Variants in ARHGEF10L observed in about 807,000 individuals in gnomAD.
The protein encoded by ARHGEF10L is rho guanine nucleotide exchange factor 10-like protein.
Under a neutral mutation model 141.2 loss-of-function variants are expected in ARHGEF10L, and 69 were observed. The ratio of observed to expected loss-of-function variants is 0.49; its 90% CI spans 0.40 to 0.60. The LOEUF is 0.60. Among genes scored for constraint, ARHGEF10L ranks in the 20% least tolerant of loss-of-function variants. The pLI is 0.00. For synonymous variants in ARHGEF10L, 711 were observed against 718.5 expected (o/e 0.99, Z 0.17); for missense variants, 1,482 against 1,734.3 (o/e 0.85, Z 2.58).
Position 17,656,333 on chromosome 1 carries a change from C to T in ARHGEF10L, c.2706-221C>T, listed in dbSNP as rs930904615. 6.6e-6 allele frequency among the ~76,000 whole-genome samples: 1 copy of T among 152,216 alleles called. No homozygotes were observed. The highest frequency in any genetic ancestry group is 1.5e-5 in the Non-Finnish European group (1 of 68,038). ...CAGAATGGCTGGCTCTTTTGCCTCCCTGAGTCCTCTTCGTGACAGAGGTGT... is the reference window on the plus strand; with the variant it reads ...CAGAATGGCTGGCTCTTTTGCCTCCTTGAGTCCTCTTCGTGACAGAGGTGT... On this transcript the variant is annotated intron_variant, in intron 24 of 28. Coordinates refer to ENST00000361221, the MANE Select transcript of ARHGEF10L (RefSeq NM_018125.4). This position sits in a 1 kb window ranked among gnomAD's most constrained non-coding sequence, Gnocchi z 4.9.
rs1286701144 is a variant in ARHGEF10L at position 17,631,235 on chromosome 1, G to T, written c.1585-1086G>T. Among the ~76,000 whole-genome samples the T allele has an allele frequency of 2.0e-5, 3 of 152,178 alleles. No homozygotes were observed. The South Asian group carries it at 6.2e-4, about 32-fold the overall frequency. ...GGTTGTCGTCAGAGTCACGGGTTTT[G>T]GGAATGAATTTTGCTGAATATCCTC... On this transcript the variant is annotated intron_variant, in intron 15 of 28. Transcript: ENST00000361221.
Position 17,589,293 on chromosome 1 carries a change from G to GTAAC in ARHGEF10L, c.257+816_257+819dup, listed in dbSNP as rs1420299818. On this transcript the variant is annotated intron_variant, in intron 4 of 28. Coordinates refer to ENST00000361221, the MANE Select transcript of ARHGEF10L (RefSeq NM_018125.4). ...AGGTCTGGGTTGGAAGGGTAATTGG[G>GTAAC]TAACTGGAGGTGGTGGGAGCTGAGG... is the stretch of plus-strand genomic sequence containing the variant. Among the ~76,000 whole-genome samples, 16 of 152,318 alleles carry GTAAC rather than the reference G, an allele frequency of 1.1e-4. No individual in the cohort carries two copies. The East Asian group carries it at 2.7e-3, about 26-fold the overall frequency.
chr1:17,619,425 G>C lies in ARHGEF10L; in HGVS notation c.922G>C (p.Glu308Gln), dbSNP rs1433435296. 1 of 1,610,258 alleles carries C rather than the reference G, an allele frequency of 6.2e-7. No homozygotes were observed. Among genetic ancestry groups the C allele is most frequent in the Admixed American group, 1.7e-5 (1 of 59,668 alleles). ...AGCCCCAGAGCTGGGCCCCATGCCA[G>C]AGGGCCTGAGCCCTCAGCAGGTCTG... ...PPAPELGPMP[E>Q]GLSPQQVVRR... is the part of the protein sequence containing the mutation. The change falls in exon 10 of 29, where the codon GAG (glutamate) becomes CAG (glutamine). Residue 308 changes from glutamate to glutamine, a missense_variant. Physicochemically the swap from Glu to Gln is conservative, Grantham distance 29. Around this residue, in one of 3 missense-constraint regions of ARHGEF10L, gnomAD observed 392 missense variants for 542.1 expected, o/e 0.72. Transcript: ENST00000361221. This position sits in a 1 kb window ranked among gnomAD's most constrained non-coding sequence, Gnocchi z 5.0.
intron 2 of ARHGEF10L, among the ~76,000 whole-genome samples, chr1:17,586,267 A>G (rs113358202): frequency 0.013 from 1,924 of 152,302 alleles, 42 homozygotes; most frequent in African/African-American, 0.044. Context: ...AGGAAACCAA[A>G]ATTCAGAGAG....
chr1:17,531,846 C>T, the ARHGEF10L span, among the ~76,000 whole-genome samples: 12 of 152,328 alleles, frequency 7.9e-5, no homozygotes, highest in East Asian at 1.9e-3. Flanking sequence ...TCTTAGAAAG[C>T]GTCTTTCATC....
At chr1:17,587,789 C>T in intron 3 of ARHGEF10L, 144 bp downstream of exon 3, 1 of 881,738 alleles carries the variant, frequency 1.1e-6, no homozygotes, top group African/African-American at 1.7e-5. Context: ...GAAGAAGCTG[C>T]AGTCTGTGGC....
intron 1 of ARHGEF10L, among the ~76,000 whole-genome samples, chr1:17,549,305 G>A (rs914140174): frequency 6.6e-6 from 1 of 152,218 alleles, no homozygotes; most frequent in Non-Finnish European, 1.5e-5. Context: ...TTACAGGTGT[G>A]AGCCACGGTG....
intron 22 of ARHGEF10L, among the ~76,000 whole-genome samples, chr1:17,650,849 T>A (rs2061882909): frequency 6.6e-6 from 1 of 151,224 alleles, no homozygotes; most frequent in Non-Finnish European, 1.5e-5. Flanking sequence ...GTGACTGGAG[T>A]AAGGCGCCTT....
intron 1 of ARHGEF10L, among the ~76,000 whole-genome samples, chr1:17,563,149 C>G (rs968583597): frequency 3.3e-5 from 5 of 151,702 alleles, no homozygotes; most frequent in Non-Finnish European, 4.4e-5. Context: ...GTCAGTGATT[C>G]GGGCTTAGAG....
rs1005105629 is a variant in ARHGEF10L, at chr1:17,638,769, T to C, written c.2171+80T>C. 6.4e-5 allele frequency: 101 copies of C among 1,576,298 alleles called. 1 individual carries two copies. The South Asian group carries it at 1.1e-3, about 18-fold the overall frequency. On this transcript the variant is annotated intron_variant, in intron 20 of 28. Transcript: ENST00000361221. ...GAGCAGGGGATCCGGAGAGGGTACC[T>C]GGAGCCCTCTTATTTGTCGAGATGC...
chr1:17,654,172 G>C lies in ARHGEF10L; in HGVS notation c.2395-464G>C, dbSNP rs542627040. Among the ~76,000 whole-genome samples the C allele has an allele frequency of 1.8e-4, 27 of 152,322 alleles. No homozygotes were observed. The South Asian group carries it at 1.9e-3, about 11-fold the overall frequency. On this transcript the variant is annotated intron_variant, in intron 22 of 28. Coordinates refer to ENST00000361221, the MANE Select transcript of ARHGEF10L (RefSeq NM_018125.4). The surrounding 1 kb of genome is among the most constrained non-coding windows in gnomAD (Gnocchi z 4.3). ...ATGGGGTCTGTGGCAGCTGATTCAG[G>C]GGGGAGCAGGCGGAAGGTGGTTACT... is the stretch of plus-strand genomic sequence containing the variant.
intron 25 of ARHGEF10L, among the ~76,000 whole-genome samples, chr1:17,659,572 G>A (rs1165648846): frequency 6.6e-6 from 1 of 152,138 alleles, no homozygotes; most frequent in Non-Finnish European, 1.5e-5. Context: ...AACTGCACCC[G>A]CATCAACCTC....
intron 1 of ARHGEF10L, among the ~76,000 whole-genome samples, chr1:17,561,278 C>G (rs1265507038): frequency 6.6e-6 from 1 of 152,208 alleles, no homozygotes; most frequent in Non-Finnish European, 1.5e-5. Flanking sequence ...CTCCCCCCCG[C>G]CCCGTCATGC....
chr1:17,662,690 G>A (rs1184723489), intron 25 of ARHGEF10L, among the ~76,000 whole-genome samples: 1 of 151,692 alleles, frequency 6.6e-6, no homozygotes, highest in Admixed American at 6.6e-5. Context: ...CCAGGGTATG[G>A]TAGGGAAGGA....
chr1:17,646,573 C>A (rs1304906101), intron 21 of ARHGEF10L, among the ~76,000 whole-genome samples: 2 of 152,138 alleles, frequency 1.3e-5, no homozygotes, highest in Non-Finnish European at 2.9e-5. Context: ...TGCACACACA[C>A]GCACGCGTGC....
rs568314473 is a variant in ARHGEF10L at position 17,599,151 on chromosome 1, C to T, written c.258-2976C>T. Among the ~76,000 whole-genome samples the T allele has an allele frequency of 7.1e-4, 108 of 152,148 alleles. 1 individual carries two copies. The highest frequency in any genetic ancestry group is 2.5e-3 in the African/African-American group (103 of 41,516). On this transcript the variant is annotated intron_variant, in intron 4 of 28. Transcript: ENST00000361221. ...AGGAGTTCGAGACCAGCCTGGCCAA[C>T]GTGGCGAAACCCCATCTCTACTAAA...
the ARHGEF10L span, among the ~76,000 whole-genome samples, chr1:17,528,469 G>A: frequency 2.6e-5 from 4 of 151,952 alleles, no homozygotes; most frequent in Admixed American, 2.0e-4. Context: ...CTCCCACCTC[G>A]ACCTCTTAAA....
At chr1:17,693,089 G>A (rs566427834) in intron 27 of ARHGEF10L, among the ~76,000 whole-genome samples, 1 of 152,252 alleles carries the variant, frequency 6.6e-6, no homozygotes, top group Non-Finnish European at 1.5e-5. Context: ...CCTTGTTTCT[G>A]TTTTTGTTTC....
chr1:17,598,204 C>T (rs541433262), intron 4 of ARHGEF10L, among the ~76,000 whole-genome samples: 12 of 151,774 alleles, frequency 7.9e-5, no homozygotes, highest in African/African-American at 2.7e-4. Flanking sequence ...CGGGTTCAAG[C>T]GATTCTCCCA....
Sources: allele counts gnomAD v4.1 joint callset (sites outside exome capture counted in the v4.1 genomes callset), GRCh38; gene constraint gnomAD v4.1.1; regional missense constraint gnomAD v4.1.1; non-coding constraint Gnocchi (gnomAD v3.1); transcripts MANE v1.5; gene names NCBI Gene and HGNC (gene_info 2026-07-23, HGNC 2026-07-21).